PIP5K1B: variants seen among roughly 807,000 people sequenced by gnomAD.
PIP5K1B encodes the protein phosphatidylinositol-4-phosphate 5-kinase type 1 beta, also known as phosphatidylinositol 4-phosphate 5-kinase type-1 beta.
PIP5K1B carries 42 observed loss-of-function variants against 67.0 expected under a neutral mutation model. The observed-to-expected ratio is 0.63, with a 90% CI of 0.49 to 0.81. The LOEUF (loss-of-function observed/expected upper bound fraction) is 0.81, where lower values mean the gene tolerates loss of function less well. Ranked by LOEUF, PIP5K1B falls within the 30% of genes least tolerant of loss-of-function variation. PIP5K1B has a pLI of 0.00. For synonymous variants in PIP5K1B, 214 were observed against 231.4 expected, an observed-to-expected ratio of 0.92 and a Z score of 0.68; for missense variants, 459 against 646.3, an observed-to-expected ratio of 0.71 and a Z score of 3.14.
At chr9:68,808,791 A>G (rs1833007143) in intron 2 of PIP5K1B, among the ~76,000 whole-genome samples, 1 of 152,182 alleles carries the variant, frequency 6.6e-6, no homozygotes, top group South Asian at 2.1e-4. Flanking sequence ...GAGCCCTGCA[A>G]TTTGTTTTGA....
At chr9:68,803,609 G>A (rs1455223695) in intron 2 of PIP5K1B, among the ~76,000 whole-genome samples, 1 of 152,242 alleles carries the variant, frequency 6.6e-6, no homozygotes, top group Admixed American at 6.5e-5. Context: ...ATGCCAAGTG[G>A]CAGACATGCA....
In PIP5K1B at chr9:68,866,906, G is replaced by A. The variant is rs11144061; in HGVS notation, c.200+2939G>A. Reference sequence around the variant, plus strand: ...GATGGTAGGATTTTGGTGGGTACTCGAATTAAAAAAATGGATTTGTGAGGC... The same window carrying A: ...GATGGTAGGATTTTGGTGGGTACTCAAATTAAAAAAATGGATTTGTGAGGC... On this transcript the variant is annotated intron_variant, in intron 5 of 15. Coordinates refer to ENST00000265382, the MANE Select transcript of PIP5K1B (RefSeq NM_003558.4). 2.4e-3 allele frequency among the ~76,000 whole-genome samples: 368 copies of A among 152,150 alleles called. 2 individuals are homozygous for A. Among genetic ancestry groups the A allele is most frequent in the African/African-American group, 8.5e-3 (353 of 41,492 alleles).
At chr9:68,939,097 G>A (rs1019902128) in intron 13 of PIP5K1B, among the ~76,000 whole-genome samples, 7 of 152,182 alleles carry the variant, frequency 4.6e-5, no homozygotes, top group Non-Finnish European at 7.3e-5. Flanking sequence ...ACAACAAAGG[G>A]AGAATTTACA....
At chr9:68,742,078 A>G (rs756508521) in intron 1 of PIP5K1B, among the ~76,000 whole-genome samples, 2 of 152,226 alleles carry the variant, frequency 1.3e-5, no homozygotes, top group South Asian at 2.1e-4. Flanking sequence ...TGTGGTTTCA[A>G]TGACATTATG....
At chr9:68,905,476 G>C (rs1825566350) in intron 8 of PIP5K1B, among the ~76,000 whole-genome samples, 1 of 152,200 alleles carries the variant, frequency 6.6e-6, no homozygotes. Context: ...TTACAAAATG[G>C]AATTGAGGCT....
chr9:68,894,696 C>A, intron 8 of PIP5K1B, 58 bp downstream of exon 8: 1 of 1,480,072 alleles, frequency 6.8e-7, no homozygotes, highest in South Asian at 1.2e-5. Flanking sequence ...TAAACTGTGG[C>A]TGCCACTTAT....
chr9:68,933,978 C>T lies in PIP5K1B; in HGVS notation c.1202-912C>T, dbSNP rs78724665. The stretch of plus-strand genomic sequence containing the variant: ...CTAATACACTTACTATCAGGCTACC[C>T]CTTTATGCAAACTTCTAAAGGAAGA... On this transcript the variant is annotated intron_variant, in intron 12 of 15. Coordinates refer to ENST00000265382, the MANE Select transcript of PIP5K1B (RefSeq NM_003558.4). Among the ~76,000 whole-genome samples, 65 of 152,244 alleles carry T rather than the reference C, an allele frequency of 4.3e-4. 1 individual carries two copies. The highest frequency in any genetic ancestry group is 1.4e-3 in the African/African-American group (60 of 41,544).
chr9:68,969,629 A>G (rs1460536981), intron 14 of PIP5K1B, among the ~76,000 whole-genome samples: 1 of 152,168 alleles, frequency 6.6e-6, no homozygotes, highest in Non-Finnish European at 1.5e-5. Flanking sequence ...TCACCAGCCC[A>G]GAGTCTAGGA....
At chr9:68,975,474 A>G (rs970169335) in intron 14 of PIP5K1B, among the ~76,000 whole-genome samples, 1 of 152,188 alleles carries the variant, frequency 6.6e-6, no homozygotes, top group Non-Finnish European at 1.5e-5. Flanking sequence ...TAAGGTGTTT[A>G]TTTATGAATG....
intron 8 of PIP5K1B, among the ~76,000 whole-genome samples, chr9:68,904,568 G>A (rs1031661230): frequency 2.0e-5 from 3 of 152,300 alleles, no homozygotes; most frequent in South Asian, 2.1e-4. Flanking sequence ...GCATGCACAC[G>A]AAATCCTATT....
chr9:68,780,467 G>A (rs749912658), intron 2 of PIP5K1B: 2 of 1,614,208 alleles, frequency 1.2e-6, no homozygotes, highest in Admixed American at 3.3e-5. Context: ...ACCGAGAGAC[G>A]GTCCACGAAC....
At chr9:68,951,931 G>A (rs11144476) in intron 14 of PIP5K1B, among the ~76,000 whole-genome samples, 37,641 of 151,918 alleles carry the variant, frequency 0.25, 5,210 homozygotes, top group East Asian at 0.51. Context: ...TCTATTGGGT[G>A]TAGGCATTAG....
At chr9:68,795,634 A>G (rs1203499204) in intron 2 of PIP5K1B, among the ~76,000 whole-genome samples, 1 of 150,896 alleles carries the variant, frequency 6.6e-6, no homozygotes, top group East Asian at 1.9e-4. Context: ...ATATTTGCAC[A>G]TTAGCAAATG....
chr9:68,735,772 G>A (rs1366157863), intron 1 of PIP5K1B, among the ~76,000 whole-genome samples: 1 of 152,184 alleles, frequency 6.6e-6, no homozygotes. Flanking sequence ...GTTCTGAGGT[G>A]GAATGATGGG....
At chr9:68,869,446 T>C (rs908325860) in intron 5 of PIP5K1B, among the ~76,000 whole-genome samples, 6 of 152,210 alleles carry the variant, frequency 3.9e-5, no homozygotes, top group African/African-American at 1.4e-4. Flanking sequence ...AACTGGTCCC[T>C]GGTGCCAAAA....
chr9:68,781,279 A>C (rs1263534862), intron 2 of PIP5K1B: 4 of 458,042 alleles, frequency 8.7e-6, no homozygotes, highest in Non-Finnish European at 1.6e-5. Flanking sequence ...TTACGCTGCT[A>C]ATATGTCTAA....
chr9:68,775,818 C>A (rs774978194), intron 2 of PIP5K1B, among the ~76,000 whole-genome samples: 1 of 152,132 alleles, frequency 6.6e-6, no homozygotes, highest in African/African-American at 2.4e-5. Context: ...TACTTAATTT[C>A]TTTCATTCAA....
At chr9:68,912,994 A>C (rs1397701664) in intron 8 of PIP5K1B, among the ~76,000 whole-genome samples, 1 of 152,218 alleles carries the variant, frequency 6.6e-6, no homozygotes, top group African/African-American at 2.4e-5. Flanking sequence ...TTTCAAGAAC[A>C]GGTAGTTTTT....
intron 14 of PIP5K1B, among the ~76,000 whole-genome samples, chr9:68,979,547 C>G (rs1208802494): frequency 2.6e-5 from 4 of 152,238 alleles, no homozygotes; most frequent in Non-Finnish European, 5.9e-5. Context: ...TCCTATCACA[C>G]ACAGAGTCAC....
Sources: gnomAD v4.1 joint callset for allele counts (sites outside exome capture counted in the v4.1 genomes callset) on GRCh38, gnomAD v4.1.1 for gene constraint, MANE v1.5 for transcripts, NCBI Gene and HGNC (gene_info 2026-07-23, HGNC 2026-07-21) for gene names.